Variants in ARID1B observed in about 807,000 individuals in gnomAD.
ARID1B encodes the protein AT-rich interaction domain 1B.
A neutral mutation model predicts 212.3 loss-of-function variants in ARID1B; 30 were observed. The ratio of observed to expected loss-of-function variants is 0.14; its 90% CI spans 0.11 to 0.19. The LOEUF (loss-of-function observed/expected upper bound fraction) is 0.19, where lower values mean the gene tolerates loss of function less well. ARID1B is among the 10% of genes least tolerant of loss of function. The pLI is 1.00. For missense variants in ARID1B, 2,891 were observed against 3,204.0 expected, an observed-to-expected ratio of 0.90 and a Z score of 2.36; for synonymous variants, 1,402 against 1,301.7, an observed-to-expected ratio of 1.08 and a Z score of -1.66.
chr6:157,147,019 A>T (rs1203664291), intron 7 of ARID1B, among the ~76,000 whole-genome samples: 1 of 152,108 alleles, frequency 6.6e-6, no homozygotes, highest in Non-Finnish European at 1.5e-5. Context: ...TCATGTGGTT[A>T]TTGGAAGAAA....
intron 4 of ARID1B, among the ~76,000 whole-genome samples, chr6:156,944,948 A>G (rs1792960816): frequency 7.5e-6 from 1 of 133,802 alleles, no homozygotes; most frequent in Non-Finnish European, 1.5e-5. Context: ...TTTGAGACGG[A>G]GTCTCGCTGT....
chr6:157,137,261 A>T (rs935305483), intron 7 of ARID1B, among the ~76,000 whole-genome samples: 2 of 152,174 alleles, frequency 1.3e-5, no homozygotes, highest in Non-Finnish European at 2.9e-5. Flanking sequence ...TAAAATCTGA[A>T]TTTTTAAATA....
chr6:157,000,446 A>C (rs1229282036), intron 4 of ARID1B, among the ~76,000 whole-genome samples: 1 of 152,234 alleles, frequency 6.6e-6, no homozygotes, highest in Admixed American at 6.5e-5. Context: ...CCTGTGTACT[A>C]TGAACCAAAA....
At position 156,778,800 on chromosome 6, in the gene ARID1B, C is replaced by T. The variant is rs1181241906; in HGVS notation, c.1120C>T (p.Pro374Ser). The change falls in exon 1 of 20, where the codon CCC becomes TCC. Residue 374 changes from proline to serine, a missense_variant. Transcript: ENST00000636930. ...CCTGCAGAACTCCCACGAAGGGTAC[C>T]CCAACAGCCAGTGCAACCATTATCC... is the stretch of plus-strand genomic sequence containing the variant. ...DPLQNSHEGY[P>S]NSQCNHYPGY... is the part of the protein sequence containing the mutation. 6.7e-7 allele frequency: 1 copy of T among 1,501,244 alleles called. No individual in the cohort carries two copies. Among genetic ancestry groups the T allele is most frequent in the South Asian group, 1.3e-5 (1 of 79,528 alleles). 93.0% of individuals were successfully genotyped at this position (1,501,244 alleles called of 1,614,324 possible).
intron 4 of ARID1B, among the ~76,000 whole-genome samples, chr6:156,998,108 T>C (rs528952435): frequency 6.6e-6 from 1 of 152,232 alleles, no homozygotes; most frequent in African/African-American, 2.4e-5. Flanking sequence ...TGCTTCTTGG[T>C]ATGGATAGAA....
chr6:157,166,396 G>A (rs1425511405), intron 8 of ARID1B: 2 of 152,262 alleles, frequency 1.3e-5, no homozygotes, highest in African/African-American at 2.4e-5. Flanking sequence ...GACACGTGCA[G>A]CTGATCTAAG....
At chr6:157,111,973 A>T (rs1298469946) in intron 6 of ARID1B, among the ~76,000 whole-genome samples, 1 of 152,068 alleles carries the variant, frequency 6.6e-6, no homozygotes. Flanking sequence ...AAGTTCTCAG[A>T]TACTGCTGAT....
intron 4 of ARID1B, among the ~76,000 whole-genome samples, chr6:157,072,877 T>C (rs1784075880): frequency 6.6e-6 from 1 of 152,216 alleles, no homozygotes; most frequent in Non-Finnish European, 1.5e-5. Context: ...TGGGAAGTAC[T>C]ACAGCAAAGA....
intron 6 of ARID1B, among the ~76,000 whole-genome samples, chr6:157,118,123 T>C (rs567763307): frequency 2.6e-4 from 40 of 152,360 alleles, no homozygotes; most frequent in African/African-American, 9.6e-4. Context: ...AAAATTACTC[T>C]TGAATATCTG....
intron 4 of ARID1B, among the ~76,000 whole-genome samples, chr6:157,069,271 G>C (rs1000303435): frequency 1.3e-5 from 2 of 152,040 alleles, no homozygotes; most frequent in African/African-American, 4.8e-5. Flanking sequence ...TTCATGTCCT[G>C]CATGTGTCAG....
chr6:157,176,112 A>C (rs1015581873), intron 11 of ARID1B, among the ~76,000 whole-genome samples: 11 of 152,322 alleles, frequency 7.2e-5, no homozygotes, highest in African/African-American at 2.6e-4. Context: ...ATGTTTGTAA[A>C]ATTCACATGC....
chr6:157,075,592 G>A (rs1784250990), intron 4 of ARID1B, among the ~76,000 whole-genome samples: 1 of 152,208 alleles, frequency 6.6e-6, no homozygotes, highest in African/African-American at 2.4e-5. Flanking sequence ...AGTATGGACA[G>A]GGAATAAAGT....
At chr6:156,807,862 AT>A (rs1781285013) in intron 1 of ARID1B, among the ~76,000 whole-genome samples, 1 of 152,206 alleles carries the variant, frequency 6.6e-6, no homozygotes, top group South Asian at 2.1e-4. Flanking sequence ...CTGTGGAATC[AT>A]TTTAGAATGT....
intron 1 of ARID1B, among the ~76,000 whole-genome samples, chr6:156,781,028 G>A (rs1348987462): frequency 2.0e-5 from 3 of 152,078 alleles, no homozygotes; most frequent in Admixed American, 6.5e-5. Flanking sequence ...AATATATTTT[G>A]GTGATGTGTA....
At chr6:156,934,563 G>A (rs1792005191) in intron 3 of ARID1B, among the ~76,000 whole-genome samples, 1 of 152,054 alleles carries the variant, frequency 6.6e-6, no homozygotes, top group South Asian at 2.1e-4. Context: ...TGAACATATG[G>A]AGTTCTATAT....
intron 4 of ARID1B, among the ~76,000 whole-genome samples, chr6:157,021,512 T>C (rs1369273337): frequency 6.6e-6 from 1 of 152,120 alleles, no homozygotes; most frequent in African/African-American, 2.4e-5. Context: ...GGGGTTCCGG[T>C]GCCGCCCTCC....
chr6:157,053,677 A>C (rs1782750106), intron 4 of ARID1B, among the ~76,000 whole-genome samples: 1 of 152,172 alleles, frequency 6.6e-6, no homozygotes, highest in Admixed American at 6.5e-5. Context: ...GTTTTATGAG[A>C]TTAGGAAAAG....
chr6:156,789,782 G>A (rs1207064337), intron 1 of ARID1B, among the ~76,000 whole-genome samples: 1 of 152,172 alleles, frequency 6.6e-6, no homozygotes, highest in Non-Finnish European at 1.5e-5. Context: ...AAGTCACTTC[G>A]CTTCTCTGTG....
At chr6:157,084,963 C>T (rs886858372) in intron 5 of ARID1B, 58 bp downstream of exon 5, 25 of 1,538,308 alleles carry the variant, frequency 1.6e-5, no homozygotes, top group Non-Finnish European at 2.0e-5. Flanking sequence ...ATTTCATGTT[C>T]ATCAACAGTA....
Sources: allele counts gnomAD v4.1 joint callset (sites outside exome capture counted in the v4.1 genomes callset), GRCh38; gene constraint gnomAD v4.1.1; transcripts MANE v1.5; gene names NCBI Gene and HGNC (gene_info 2026-07-23, HGNC 2026-07-21).